The following NTRK2 variants were observed in gnomAD, a reference collection of about 807,000 sequenced individuals.
The protein encoded by NTRK2 is neurotrophic receptor tyrosine kinase 2, also known as BDNF/NT-3 growth factors receptor.
Under a neutral mutation model 94.5 loss-of-function variants are expected in NTRK2, and 13 were observed. The observed-to-expected ratio is 0.14, with a 90% CI of 0.09 to 0.22. NTRK2 has a LOEUF of 0.22. NTRK2 is among the 10% of genes least tolerant of loss of function. The probability of loss-of-function intolerance (pLI) is 1.00; values close to 1 mark genes in which losing one functional copy is unlikely to be tolerated. For missense variants in NTRK2, 639 were observed against 1,071.2 expected, an observed-to-expected ratio of 0.60 and a Z score of 5.63; for synonymous variants, 372 against 407.4, an observed-to-expected ratio of 0.91 and a Z score of 1.05.
At chr9:85,019,901 A>C (rs1832630421) in intron 17 of NTRK2, among the ~76,000 whole-genome samples, 1 of 152,086 alleles carries the variant, frequency 6.6e-6, no homozygotes, top group Non-Finnish European at 1.5e-5. Context: ...TCTTAGCAGA[A>C]AGTGTGTGTA....
chr9:84,923,800 C>A (rs1190545383), intron 14 of NTRK2, among the ~76,000 whole-genome samples: 7 of 152,000 alleles, frequency 4.6e-5, no homozygotes, highest in Non-Finnish European at 2.9e-5. Context: ...CCTAAAAAAT[C>A]CCAATTACTC....
chr9:84,918,187 A>G (rs75778145), intron 14 of NTRK2, among the ~76,000 whole-genome samples: 1,545 of 152,322 alleles, frequency 0.01, 27 homozygotes, highest in African/African-American at 0.035. Context: ...GCTTCACATA[A>G]CAGGTGCTGG....
chr9:84,689,628 C>T (rs1162608885), intron 2 of NTRK2, among the ~76,000 whole-genome samples: 1 of 152,166 alleles, frequency 6.6e-6, no homozygotes, highest in Admixed American at 6.5e-5. Context: ...GTGAAACACA[C>T]ATGACATAAA....
intron 7 of NTRK2, among the ~76,000 whole-genome samples, chr9:84,724,017 C>G (rs1479873726): frequency 1.3e-5 from 2 of 152,152 alleles, no homozygotes; most frequent in African/African-American, 4.8e-5. Flanking sequence ...ATTCAGGGAT[C>G]AAGTCAACCT....
chr9:84,928,685 C>G (rs960899199), intron 14 of NTRK2, among the ~76,000 whole-genome samples: 1 of 152,096 alleles, frequency 6.6e-6, no homozygotes, highest in Non-Finnish European at 1.5e-5. Flanking sequence ...CTGTCAAACC[C>G]GAGGGAGCCA....
At chr9:84,942,204 A>G (rs2078434748) in intron 15 of NTRK2, among the ~76,000 whole-genome samples, 2 of 152,136 alleles carry the variant, frequency 1.3e-5, no homozygotes, top group Non-Finnish European at 2.9e-5. Context: ...GAAGCTACCT[A>G]TTGCACTCTC....
intron 14 of NTRK2, among the ~76,000 whole-genome samples, chr9:84,924,651 T>A (rs1270708869): frequency 6.6e-6 from 1 of 152,236 alleles, no homozygotes; most frequent in Non-Finnish European, 1.5e-5. Flanking sequence ...TTCTTTTTAG[T>A]CTAACAGCTT....
chr9:84,728,047 C>T, intron 9 of NTRK2, 88 bp downstream of exon 9: 2 of 1,240,076 alleles, frequency 1.6e-6, no homozygotes, highest in Non-Finnish European at 1.2e-6. Flanking sequence ...AAGCCATCCC[C>T]CAACCTAGTG....
At position 85,022,197 on chromosome 9, in the gene NTRK2, G is replaced by A. The variant is rs200114875; in HGVS notation, c.*760G>A. ...ATACTCAGCAACTGTTAGCTGGGAA[G>A]AATGTATTCGGCACCTTCCCCTGAG... On this transcript the variant is annotated 3_prime_UTR_variant, in exon 19 of 19. Transcript: ENST00000277120. The A allele has an allele frequency of 8.6e-6, 2 of 233,200 alleles. No homozygotes were observed. Among genetic ancestry groups the A allele is most frequent in the Non-Finnish European group, 1.7e-5 (2 of 118,080 alleles). The allele number at this position is 233,200 out of a possible 1,614,324, so 14.4% of individuals were successfully genotyped here.
At chr9:84,709,828 C>G (rs1564100301) in intron 5 of NTRK2, among the ~76,000 whole-genome samples, 1 of 151,936 alleles carries the variant, frequency 6.6e-6, no homozygotes, top group East Asian at 1.9e-4. Context: ...TGACTACTTC[C>G]TCTTTTACCC....
At chr9:84,766,166 A>C (rs1279386446) in intron 12 of NTRK2, among the ~76,000 whole-genome samples, 1 of 152,170 alleles carries the variant, frequency 6.6e-6, no homozygotes, top group Non-Finnish European at 1.5e-5. Context: ...TAAATAGTTA[A>C]GAAAAGCTGC....
At chr9:85,010,533 GA>G (rs2133502664) in intron 17 of NTRK2, among the ~76,000 whole-genome samples, 1 of 152,320 alleles carries the variant, frequency 6.6e-6, no homozygotes, top group South Asian at 2.1e-4. Flanking sequence ...ATTGCTGAGT[GA>G]TGTGTAAACA....
chr9:84,758,425 C>G (rs2065262645), intron 12 of NTRK2, among the ~76,000 whole-genome samples: 1 of 152,000 alleles, frequency 6.6e-6, no homozygotes, highest in Non-Finnish European at 1.5e-5. Flanking sequence ...GAGTTTCACT[C>G]TTGTTGCCCA....
At chr9:84,994,388 A>G (rs1294759692) in intron 17 of NTRK2, among the ~76,000 whole-genome samples, 2 of 152,228 alleles carry the variant, frequency 1.3e-5, no homozygotes, top group Non-Finnish European at 2.9e-5. Flanking sequence ...GACTTTTCCC[A>G]GATAACATCT....
chr9:84,876,328 G>T, intron 14 of NTRK2: 1 of 1,050,520 alleles, frequency 9.5e-7, no homozygotes, highest in Non-Finnish European at 1.1e-6. Flanking sequence ...TATAAAATAA[G>T]CAGAGATGGC....
chr9:84,798,782 T>C (rs1473132445), intron 12 of NTRK2, among the ~76,000 whole-genome samples: 1 of 152,080 alleles, frequency 6.6e-6, no homozygotes, highest in Non-Finnish European at 1.5e-5. Context: ...ATCTGTTTCA[T>C]TCATTTGCAA....
intron 13 of NTRK2, among the ~76,000 whole-genome samples, chr9:84,864,785 G>A (rs1341848190): frequency 7.9e-6 from 1 of 126,728 alleles, no homozygotes; most frequent in Non-Finnish European, 1.6e-5. Context: ...CTGTCACCCA[G>A]GCTGGAGTGC....
chr9:84,839,546 G>C (rs939537291), intron 12 of NTRK2, among the ~76,000 whole-genome samples: 1 of 152,174 alleles, frequency 6.6e-6, no homozygotes, highest in African/African-American at 2.4e-5. Flanking sequence ...CTCTTACTCT[G>C]TAAAGAGCAG....
intron 12 of NTRK2, among the ~76,000 whole-genome samples, chr9:84,855,058 G>A (rs1473146703): frequency 6.6e-6 from 1 of 152,048 alleles, no homozygotes; most frequent in Non-Finnish European, 1.5e-5. Flanking sequence ...CTGTTTCATG[G>A]GGAATGAGGC....
Sources: allele counts gnomAD v4.1 joint callset (sites outside exome capture counted in the v4.1 genomes callset), GRCh38; gene constraint gnomAD v4.1.1; transcripts MANE v1.5; gene names NCBI Gene and HGNC (gene_info 2026-07-23, HGNC 2026-07-21).